UBXN2B: variants seen among roughly 807,000 people sequenced by gnomAD.
UBXN2B encodes UBX domain protein 2B.
Under a neutral mutation model 37.5 loss-of-function variants are expected in UBXN2B, and 19 were observed. The ratio of observed to expected loss-of-function variants is 0.51; its 90% CI spans 0.35 to 0.74. UBXN2B has a LOEUF of 0.74. Among genes scored for constraint, UBXN2B ranks in the 30% least tolerant of loss-of-function variants. UBXN2B has a pLI of 0.01. For synonymous variants in UBXN2B, 145 were observed against 143.8 expected (o/e 1.01, Z -0.06); for missense variants, 370 against 393.2 (o/e 0.94, Z 0.50).
intron 2 of UBXN2B, among the ~76,000 whole-genome samples, chr8:58,420,481 A>T (rs942309061): frequency 7.2e-5 from 11 of 152,248 alleles, no homozygotes; most frequent in African/African-American, 2.7e-4. Context: ...CAAAATGATG[A>T]CATCCTAAAA....
chr8:58,424,132 C>T (rs1235201657), intron 2 of UBXN2B, among the ~76,000 whole-genome samples: 1 of 151,412 alleles, frequency 6.6e-6, no homozygotes, highest in Non-Finnish European at 1.5e-5. Flanking sequence ...AGATTGTTCT[C>T]ACTTTTCTAA....
chr8:58,422,876 GTTT>G (rs1807963838), intron 2 of UBXN2B, among the ~76,000 whole-genome samples: 1 of 152,226 alleles, frequency 6.6e-6, no homozygotes, highest in Admixed American at 6.5e-5. Flanking sequence ...ACTGTAAGCA[GTTT>G]TGGCTTCCCA....
intron 7 of UBXN2B, among the ~76,000 whole-genome samples, chr8:58,447,175 C>T (rs1808701028): frequency 6.6e-6 from 1 of 151,978 alleles, no homozygotes; most frequent in African/African-American, 2.4e-5. Context: ...TTCCATTTTA[C>T]AGGAAAAGTA....
At position 58,448,965 on chromosome 8, in the gene UBXN2B, A is replaced by G. The variant is rs1466637758; in HGVS notation, c.*1414A>G. On this transcript the variant is annotated 3_prime_UTR_variant, in exon 8 of 8. Coordinates refer to ENST00000399598, the MANE Select transcript of UBXN2B (RefSeq NM_001077619.2). ...GTTGCATTCTGTTAGGAGGCTCTAC[A>G]GGAGAATCATTTCCTTGTCATTCCA... 1 of 152,216 alleles carries G rather than the reference A, an allele frequency of 6.6e-6. No individual in the cohort carries two copies. The highest frequency in any genetic ancestry group is 1.5e-5 in the Non-Finnish European group (1 of 68,044). 9.4% of individuals were successfully genotyped at this position (152,216 alleles called of 1,614,324 possible).
At chr8:58,429,635 A>C (rs1808195582) in intron 2 of UBXN2B, among the ~76,000 whole-genome samples, 1 of 152,020 alleles carries the variant, frequency 6.6e-6, no homozygotes, top group South Asian at 2.1e-4. Context: ...TGCATATTCT[A>C]ATTTAGGAGA....
In UBXN2B at chr8:58,426,657, T is replaced by C. The variant is rs181836374; in HGVS notation, c.189-3862T>C. On this transcript the variant is annotated intron_variant, in intron 2 of 7. Coordinates refer to ENST00000399598, the MANE Select transcript of UBXN2B (RefSeq NM_001077619.2). ...GTTTTCTGCCTCCACCCCAGTGATA[T>C]TTGGGTGAAACCATCTCTACAATGT... 3.2e-4 allele frequency: 239 copies of C among 739,130 alleles called. No individual in the cohort carries two copies. The East Asian group carries it at 4.7e-3, about 14-fold the overall frequency. The allele number at this position is 739,130 out of a possible 1,614,324, so 45.8% of individuals were successfully genotyped here.
chr8:58,434,510 A>AG lies in UBXN2B; in HGVS notation c.533+6_533+7insG. The AG allele has an allele frequency of 6.6e-7, 1 of 1,524,038 alleles. No homozygotes were observed. The highest frequency in any genetic ancestry group is 1.3e-5 in the South Asian group (1 of 77,224). The allele number at this position is 1,524,038 out of a possible 1,614,324, so 94.4% of individuals were successfully genotyped here. A position where few individuals can be genotyped will look rare whatever the true frequency, so the allele number is the denominator to read the frequency against. Reference sequence around the variant, plus strand: ...CTGGAGTCTGTTAAGAGAGGGTAAGATGTATTATTTGTATTCTATTTGTTA... The same window carrying AG: ...CTGGAGTCTGTTAAGAGAGGGTAAGAGTGTATTATTTGTATTCTATTTGTTA... On this transcript the variant is annotated splice_region_variant and intron_variant, in intron 5 of 7. Transcript: ENST00000399598.
intron 4 of UBXN2B, 138 bp from the exon 5 acceptor site, chr8:58,434,257 A>G (rs1181945838): frequency 8.1e-6 from 2 of 245,500 alleles, no homozygotes; most frequent in African/African-American, 4.6e-5. Flanking sequence ...AGTAGAAATA[A>G]CTCCCTATTT....
At chr8:58,424,832 TA>T in intron 2 of UBXN2B, 1 of 1,433,896 alleles carries the variant, frequency 7.0e-7, no homozygotes, top group Non-Finnish European at 9.8e-7. Context: ...GCCATATAGA[TA>T]AATCGGTACT....
intron 3 of UBXN2B, 104 bp from the exon 4 acceptor site, chr8:58,433,056 A>G: frequency 1.1e-6 from 1 of 891,618 alleles, no homozygotes; most frequent in Non-Finnish European, 1.7e-6. Context: ...AGTATGAGCC[A>G]CTTTGGCTAA....
intron 2 of UBXN2B, among the ~76,000 whole-genome samples, chr8:58,421,569 C>A (rs1807925019): frequency 6.6e-6 from 1 of 152,178 alleles, no homozygotes; most frequent in Non-Finnish European, 1.5e-5. Context: ...TAACCTGACT[C>A]ACCCATTACT....
At chr8:58,437,952 C>T (rs114706574) in intron 5 of UBXN2B, among the ~76,000 whole-genome samples, 28 of 104,268 alleles carry the variant, frequency 2.7e-4, no homozygotes, top group Admixed American at 1.8e-3. Context: ...TTAAGGCAGC[C>T]CCCCCCCCAA....
At chr8:58,435,240 T>C (rs938919544) in intron 5 of UBXN2B, 1 of 746,994 alleles carries the variant, frequency 1.3e-6, no homozygotes, top group Non-Finnish European at 1.7e-6. Context: ...AGGGTTATAC[T>C]CCATAAAGGA....
At chr8:58,428,053 A>G (rs550305228) in intron 2 of UBXN2B, among the ~76,000 whole-genome samples, 51 of 152,344 alleles carry the variant, frequency 3.3e-4, no homozygotes, top group Non-Finnish European at 6.3e-4. Flanking sequence ...ATGTTTCAGA[A>G]AGTGTTTAAT....
rs185012969 is a variant in UBXN2B, at chr8:58,415,906, G to A, written c.85-944G>A. ...TTTATTTGTGTATATTTTAAAAGTT[G>A]ACTAATAGAATTTTCAAAGAATTAA... On this transcript the variant is annotated intron_variant, in intron 1 of 7. Transcript: ENST00000399598. 1.9e-3 allele frequency among the ~76,000 whole-genome samples: 294 copies of A among 152,074 alleles called. 2 individuals are homozygous for A. The highest frequency in any genetic ancestry group is 6.9e-3 in the African/African-American group (285 of 41,522).
rs1585608116 is a variant in UBXN2B at position 58,430,607 on chromosome 8, A to G, written c.277A>G (p.Arg93Gly). Residue 93 changes from arginine (R) to glycine (G), a missense_variant, in exon 3 of 8, where the codon AGG becomes GGG. By Grantham distance (125) the Arg-to-Gly change is moderately radical. Coordinates refer to ENST00000399598, the MANE Select transcript of UBXN2B (RefSeq NM_001077619.2). ...KIVNELFKEA[R>G]EHGAVPLNEA... ...TGTGAATGAACTTTTCAAAGAGGCAAGGGAACATGGGGCTGTCCCTCTGAA... is the reference window on the plus strand; with the variant it reads ...TGTGAATGAACTTTTCAAAGAGGCAGGGGAACATGGGGCTGTCCCTCTGAA... 1.2e-6 allele frequency: 2 copies of G among 1,605,236 alleles called. No homozygotes were observed. Among genetic ancestry groups the G allele is most frequent in the Middle Eastern group, 1.7e-4 (1 of 6,020 alleles).
intron 3 of UBXN2B, 121 bp from the exon 4 acceptor site, chr8:58,433,039 G>A (rs1384062616): frequency 3.0e-6 from 2 of 661,958 alleles, no homozygotes; most frequent in Non-Finnish European, 5.0e-6. Flanking sequence ...GTTCTTGAAG[G>A]CTCCCCAGTA....
chr8:58,451,352 ACTG>A lies in UBXN2B; in HGVS notation c.*3803_*3805del, dbSNP rs1808796308. ...GTCATTTTCATGAATTATTTTTACT[ACTG>A]CAGTCATCTTAAATTTATAATCATC... On this transcript the variant is annotated 3_prime_UTR_variant, in exon 8 of 8. Transcript: ENST00000399598. 1 of 152,180 alleles carries A rather than the reference ACTG, an allele frequency of 6.6e-6. No homozygotes were observed. The highest frequency in any genetic ancestry group is 1.5e-5 in the Non-Finnish European group (1 of 68,032). 9.4% of individuals were successfully genotyped at this position (152,180 alleles called of 1,614,324 possible). A position where few individuals can be genotyped will look rare whatever the true frequency, so the allele number is the denominator to read the frequency against.
intron 2 of UBXN2B, chr8:58,424,698 GC>G: frequency 2.3e-6 from 3 of 1,294,534 alleles, no homozygotes; most frequent in Non-Finnish European, 3.4e-6. Flanking sequence ...GGGGGGGGGG[GC>G]TCTGATCTCC....
Sources: allele counts gnomAD v4.1 joint callset (sites outside exome capture counted in the v4.1 genomes callset), GRCh38; gene constraint gnomAD v4.1.1; transcripts MANE v1.5; gene names NCBI Gene and HGNC (gene_info 2026-07-23, HGNC 2026-07-21).